The following TPM4 variants were observed in gnomAD, a reference collection of about 807,000 sequenced individuals.
TPM4 encodes the protein tropomyosin 4, also known as tropomyosin alpha-4 chain.
In TPM4, 17 loss-of-function variants were observed where a neutral mutation model predicts 35.8. That is an observed-to-expected ratio of 0.47 (90% CI 0.32 to 0.71). TPM4 has a LOEUF of 0.71. Among genes scored for constraint, TPM4 ranks in the 30% least tolerant of loss-of-function variants. The pLI is 0.03. For synonymous variants in TPM4, 120 were observed against 122.9 expected, an observed-to-expected ratio of 0.98 and a Z score of 0.15; for missense variants, 240 against 320.9, an observed-to-expected ratio of 0.75 and a Z score of 1.93.
intron 7 of TPM4, chr19:16,099,580 T>C (rs2090741084): frequency 6.6e-6 from 1 of 152,058 alleles, no homozygotes; most frequent in Non-Finnish European, 1.5e-5. Context: ...CAAGACCCTG[T>C]TTAAAAATAA....
chr19:16,094,545 A>G (rs1271896040), intron 7 of TPM4, among the ~76,000 whole-genome samples: 2 of 152,066 alleles, frequency 1.3e-5, no homozygotes, highest in Non-Finnish European at 2.9e-5. Context: ...CAAAAAAAAA[A>G]AAACTTCACA....
chr19:16,089,301 G>A (rs2090597265), intron 5 of TPM4, among the ~76,000 whole-genome samples, 181 bp downstream of exon 5: 1 of 152,132 alleles, frequency 6.6e-6, no homozygotes, highest in South Asian at 2.1e-4. Context: ...ACACTCTTGA[G>A]TCCTCTTCCA....
At chr19:16,076,763 G>C (rs934637027) in intron 1 of TPM4, 66 bp downstream of exon 1, 27 of 1,284,612 alleles carry the variant, frequency 2.1e-5, no homozygotes, top group Non-Finnish European at 2.7e-5. Flanking sequence ...CTTTCTTCCC[G>C]GCTTCCCGCG....
chr19:16,081,197 T>G (rs1244835343), intron 1 of TPM4: 1 of 396,696 alleles, frequency 2.5e-6, no homozygotes, highest in Non-Finnish European at 4.4e-6. Context: ...CCTTGCTTTC[T>G]AAGAATCTCA....
chr19:16,090,794 C>T (rs1266162872), intron 5 of TPM4, among the ~76,000 whole-genome samples: 1 of 150,404 alleles, frequency 6.6e-6, no homozygotes, highest in Non-Finnish European at 1.5e-5. Context: ...TAGCATTGTG[C>T]CTGGCATATA....
chr19:16,089,852 C>CT (rs1006507511), intron 5 of TPM4, among the ~76,000 whole-genome samples: 34 of 150,674 alleles, frequency 2.3e-4, no homozygotes, highest in East Asian at 3.9e-4. Flanking sequence ...CCTATTCAGC[C>CT]TTTTTTTTTC....
chr19:16,087,453 T>C (rs2090570044), intron 3 of TPM4, among the ~76,000 whole-genome samples: 1 of 152,166 alleles, frequency 6.6e-6, no homozygotes, highest in Non-Finnish European at 1.5e-5. Flanking sequence ...CGTGCATGCC[T>C]GTAAGCCCAG....
Sources: gnomAD v4.1 joint callset for allele counts (sites outside exome capture counted in the v4.1 genomes callset) on GRCh38, gnomAD v4.1.1 for gene constraint, MANE v1.5 for transcripts, NCBI Gene and HGNC (gene_info 2026-07-23, HGNC 2026-07-21) for gene names.